The following GRM5 variants were observed in gnomAD, a reference collection of about 807,000 sequenced individuals.
The protein encoded by GRM5 is metabotropic glutamate receptor 5.
Under a neutral mutation model 83.1 loss-of-function variants are expected in GRM5, and 19 were observed. The ratio of observed to expected loss-of-function variants is 0.23; its 90% CI spans 0.16 to 0.34. GRM5 has a LOEUF of 0.34. GRM5 is among the 10% of genes least tolerant of loss of function. GRM5 has a pLI of 1.00. For missense variants in GRM5, 1,160 were observed against 1,588.3 expected (o/e 0.73, Z 4.58); for synonymous variants, 675 against 633.6 (o/e 1.07, Z -0.98).
At chr11:88,953,060 T>C (rs1462052803) in intron 2 of GRM5, among the ~76,000 whole-genome samples, 2 of 152,208 alleles carry the variant, frequency 1.3e-5, no homozygotes, top group African/African-American at 2.4e-5. Context: ...AGCAATCATG[T>C]TTCTGAATTA....
At chr11:88,987,398 G>A (rs576912946) in intron 2 of GRM5, among the ~76,000 whole-genome samples, 1 of 152,202 alleles carries the variant, frequency 6.6e-6, no homozygotes, top group South Asian at 2.1e-4. Context: ...ACAGCAGTCT[G>A]AGATCAAACT....
intron 3 of GRM5, among the ~76,000 whole-genome samples, chr11:88,822,665 T>C (rs933990666): frequency 6.6e-6 from 1 of 152,142 alleles, no homozygotes; most frequent in Non-Finnish European, 1.5e-5. Flanking sequence ...CTTAAGAATA[T>C]TGACTCTTCC....
intron 2 of GRM5, among the ~76,000 whole-genome samples, chr11:89,031,307 CTA>C (rs1156760072): frequency 1.3e-5 from 2 of 151,790 alleles, no homozygotes; most frequent in Non-Finnish European, 2.9e-5. Context: ...ATCTTAAAAA[CTA>C]TTAATATATT....
intron 3 of GRM5, among the ~76,000 whole-genome samples, chr11:88,812,434 G>C (rs1943603969): frequency 6.6e-6 from 1 of 152,116 alleles, no homozygotes; most frequent in Admixed American, 6.6e-5. Flanking sequence ...AAGCAATTAA[G>C]ACCTGGAAAT....
At chr11:89,025,854 A>G (rs1941117853) in intron 2 of GRM5, among the ~76,000 whole-genome samples, 2 of 152,230 alleles carry the variant, frequency 1.3e-5, no homozygotes, top group African/African-American at 4.8e-5. Flanking sequence ...AGGAATATAA[A>G]TTGTTTTAAC....
intron 3 of GRM5, among the ~76,000 whole-genome samples, chr11:88,805,916 A>T (rs1943492200): frequency 6.6e-6 from 1 of 152,150 alleles, no homozygotes; most frequent in African/African-American, 2.4e-5. Flanking sequence ...ATTTCTGATC[A>T]AGGCTTCTAT....
chr11:88,876,556 T>C (rs1180337205), intron 2 of GRM5, among the ~76,000 whole-genome samples: 1 of 152,130 alleles, frequency 6.6e-6, no homozygotes, highest in Non-Finnish European at 1.5e-5. Flanking sequence ...GACTGGTTAG[T>C]GTATCGGGGC....
At position 88,555,362 on chromosome 11, in the gene GRM5, C is replaced by T. The variant is rs546302126; in HGVS notation, c.2630+11691G>A. Among the ~76,000 whole-genome samples the T allele has an allele frequency of 1.7e-4, 26 of 152,172 alleles. 1 individual carries two copies. The East Asian group carries it at 3.1e-3, about 18-fold the overall frequency. ...AGTCTTACCCCATAAAATAGTAGTA[C>T]GCAAAACACATGGAAAAGAGTCTCA... On this transcript the variant is annotated intron_variant, in intron 8 of 9. Transcript: ENST00000305447.
At chr11:88,909,056 T>C (rs1051478545) in intron 2 of GRM5, among the ~76,000 whole-genome samples, 5 of 152,138 alleles carry the variant, frequency 3.3e-5, no homozygotes, top group African/African-American at 1.2e-4. Flanking sequence ...TCCAAATTTA[T>C]ATATTGTACT....
intron 2 of GRM5, among the ~76,000 whole-genome samples, chr11:88,864,738 T>C (rs1429478065): frequency 6.6e-6 from 1 of 152,036 alleles, no homozygotes; most frequent in East Asian, 1.9e-4. Flanking sequence ...ATCCTTGTCT[T>C]GTGCAGGATT....
intron 3 of GRM5, among the ~76,000 whole-genome samples, chr11:88,681,220 C>G (rs752113720): frequency 1.3e-5 from 2 of 152,096 alleles, no homozygotes; most frequent in Non-Finnish European, 2.9e-5. Flanking sequence ...TTGCTCTCAT[C>G]CCCTCCTGAG....
intron 1 of GRM5, among the ~76,000 whole-genome samples, chr11:89,048,868 G>A (rs1941698115): frequency 6.6e-6 from 1 of 152,108 alleles, no homozygotes; most frequent in African/African-American, 2.4e-5. Context: ...TTAGTAAACT[G>A]TTTAACCTCT....
intron 9 of GRM5, among the ~76,000 whole-genome samples, chr11:88,513,002 T>A (rs1053714334): frequency 6.6e-6 from 1 of 152,218 alleles, no homozygotes; most frequent in Non-Finnish European, 1.5e-5. Context: ...GGTGATCACC[T>A]CTACCCCATT....
chr11:88,557,147 G>A (rs1942649198), intron 8 of GRM5, among the ~76,000 whole-genome samples: 1 of 152,124 alleles, frequency 6.6e-6, no homozygotes, highest in African/African-American at 2.4e-5. Flanking sequence ...ACTAACTAAA[G>A]GCTATTAGGC....
intron 3 of GRM5, among the ~76,000 whole-genome samples, chr11:88,733,883 A>T (rs1941857098): frequency 6.6e-6 from 1 of 151,968 alleles, no homozygotes; most frequent in Admixed American, 6.6e-5. Context: ...AATAGGGAAA[A>T]AGAGGGTCTA....
intron 2 of GRM5, among the ~76,000 whole-genome samples, chr11:88,970,892 T>C (rs911174506): frequency 8.5e-5 from 13 of 152,274 alleles, no homozygotes; most frequent in African/African-American, 2.6e-4. Context: ...TTTCTAAATG[T>C]CCTTTTCTTC....
intron 1 of GRM5, among the ~76,000 whole-genome samples, chr11:89,063,321 G>A (rs1337283807): frequency 3.3e-5 from 5 of 152,042 alleles, no homozygotes; most frequent in African/African-American, 1.2e-4. Flanking sequence ...AAGGCTGTTC[G>A]CAAATGGAAC....
intron 3 of GRM5, among the ~76,000 whole-genome samples, chr11:88,729,450 T>G (rs1264304145): frequency 6.6e-6 from 1 of 152,032 alleles, no homozygotes; most frequent in Non-Finnish European, 1.5e-5. Flanking sequence ...TGGCCATATT[T>G]CCCAAAGTAA....
At chr11:88,547,506 T>G (rs1942411391) in intron 8 of GRM5, among the ~76,000 whole-genome samples, 1 of 152,192 alleles carries the variant, frequency 6.6e-6, no homozygotes, top group African/African-American at 2.4e-5. Flanking sequence ...CGTTATCTCT[T>G]GCTGGAATGC....
Sources: gnomAD v4.1 joint callset for allele counts (sites outside exome capture counted in the v4.1 genomes callset) on GRCh38, gnomAD v4.1.1 for gene constraint, MANE v1.5 for transcripts, NCBI Gene and HGNC (gene_info 2026-07-23, HGNC 2026-07-21) for gene names.